Variants in MTSS1 observed in about 807,000 individuals in gnomAD.
MTSS1 encodes the protein MTSS I-BAR domain containing 1, also known as protein MTSS 1.
Under a neutral mutation model 79.0 loss-of-function variants are expected in MTSS1, and 18 were observed. That is an observed-to-expected ratio of 0.23 (90% CI 0.16 to 0.34). The LOEUF is 0.34. Among genes scored for constraint, MTSS1 ranks in the 10% least tolerant of loss-of-function variants. MTSS1 has a pLI of 1.00. For missense variants in MTSS1, 815 were observed against 986.2 expected (o/e 0.83, Z 2.33); for synonymous variants, 341 against 368.6 (o/e 0.93, Z 0.86).
At chr8:124,645,583 C>T (rs1353234153) in intron 3 of MTSS1, among the ~76,000 whole-genome samples, 1 of 152,086 alleles carries the variant, frequency 6.6e-6, no homozygotes, top group African/African-American at 2.4e-5. Context: ...GCTGGGGTAT[C>T]ACAAGCTTAA....
At chr8:124,590,833 G>A (rs914622201) in intron 4 of MTSS1, among the ~76,000 whole-genome samples, 4 of 152,142 alleles carry the variant, frequency 2.6e-5, no homozygotes, top group Admixed American at 1.3e-4. Context: ...CTCTTCTTGC[G>A]AGGCTCCCGC....
chr8:124,699,239 C>A, intron 3 of MTSS1: 1 of 372,436 alleles, frequency 2.7e-6, no homozygotes, highest in Non-Finnish European at 4.9e-6. Context: ...GCTCAAGGTT[C>A]AACAACCAGC....
chr8:124,634,336 G>T (rs1587462943), intron 3 of MTSS1, among the ~76,000 whole-genome samples: 1 of 150,814 alleles, frequency 6.6e-6, no homozygotes, highest in East Asian at 1.9e-4. Flanking sequence ...TTGTAGAAAT[G>T]ACATTTCACC....
intron 3 of MTSS1, among the ~76,000 whole-genome samples, chr8:124,672,391 G>A (rs1291694883): frequency 1.3e-5 from 2 of 151,446 alleles, no homozygotes; most frequent in Admixed American, 6.6e-5. Flanking sequence ...GTACTTGGGA[G>A]GCTGAAGCAG....
chr8:124,719,110 A>C (rs1191719183), intron 1 of MTSS1, among the ~76,000 whole-genome samples: 1 of 152,202 alleles, frequency 6.6e-6, no homozygotes, highest in East Asian at 1.9e-4. Context: ...TCCTGTGGAG[A>C]GGCACACAGA....
intron 3 of MTSS1, among the ~76,000 whole-genome samples, chr8:124,647,488 C>A (rs1297960570): frequency 6.6e-6 from 1 of 152,090 alleles, no homozygotes. Flanking sequence ...ATTTTCAAGT[C>A]TTCTTATTAA....
Position 124,646,135 on chromosome 8 carries a change from C to T in MTSS1, c.208+53391G>A, listed in dbSNP as rs555993060. ...ACGCTGAAACCTCAACTTGTCTAGG[C>T]TCCTTTGGGAAACCAGGAATCAAAT... On this transcript the variant is annotated intron_variant, in intron 3 of 13. Transcript: ENST00000518547. 7.2e-5 allele frequency among the ~76,000 whole-genome samples: 11 copies of T among 152,332 alleles called. No homozygotes were observed. In the South Asian group the frequency reaches 2.3e-3, roughly 32 times the overall value.
chr8:124,690,852 AT>A (rs1213925009), intron 3 of MTSS1, among the ~76,000 whole-genome samples: 13 of 152,186 alleles, frequency 8.5e-5, no homozygotes, highest in Admixed American at 7.2e-4. Flanking sequence ...AAAACAAGGT[AT>A]TTTTTTAAAT....
chr8:124,719,418 C>A (rs964079601), intron 1 of MTSS1, among the ~76,000 whole-genome samples: 1 of 152,162 alleles, frequency 6.6e-6, no homozygotes, highest in Non-Finnish European at 1.5e-5. Flanking sequence ...GTACTCCCAC[C>A]CTAAATGGGA....
chr8:124,687,722 A>G lies in MTSS1; in HGVS notation c.208+11804T>C, dbSNP rs375135193. 9.8e-4 allele frequency among the ~76,000 whole-genome samples: 150 copies of G among 152,352 alleles called. 3 individuals are homozygous for G. The South Asian group carries it at 0.03, about 31-fold the overall frequency. On this transcript the variant is annotated intron_variant, in intron 3 of 13. Transcript: ENST00000518547. ...AAAGAGAAGCCTGTGGATCAGCAGC[A>G]CAGGAAGAAGAATGTTTACTATCGC...
chr8:124,676,492 C>T (rs768912495), intron 3 of MTSS1, among the ~76,000 whole-genome samples: 11 of 152,198 alleles, frequency 7.2e-5, no homozygotes, highest in South Asian at 6.2e-4. Context: ...TGTGGACAGA[C>T]GCAAATGTGA....
At chr8:124,725,984 CA>C (rs10708437) in intron 1 of MTSS1, among the ~76,000 whole-genome samples, 27,558 of 149,018 alleles carry the variant, frequency 0.18, 3,509 homozygotes, top group African/African-American at 0.37. Context: ...ACAAACAAAC[CA>C]AAAAAAAAAA....
In MTSS1 at chr8:124,552,389, G is replaced by A. The variant is rs1473490079; in HGVS notation, c.*603C>T. The A allele has an allele frequency of 1.3e-5, 2 of 153,636 alleles. No homozygotes were observed. The highest frequency in any genetic ancestry group is 3.8e-4 in the East Asian group (2 of 5,202). The allele number at this position is 153,636 out of a possible 1,614,324, so 9.5% of individuals were successfully genotyped here. On this transcript the variant is annotated 3_prime_UTR_variant, in exon 14 of 14. Transcript: ENST00000518547. ...TATGTTGACGATGTACCCCTCCCAT[G>A]GCCCTCCCCCCAATCCCAACACAGT...
intron 6 of MTSS1, among the ~76,000 whole-genome samples, chr8:124,570,845 A>T (rs1408632664): frequency 1.3e-5 from 2 of 151,350 alleles, no homozygotes; most frequent in Non-Finnish European, 2.9e-5. Context: ...TAGTTTTTCA[A>T]TTTTTTTTTA....
intron 1 of MTSS1, among the ~76,000 whole-genome samples, chr8:124,718,194 C>T (rs1440142984): frequency 6.6e-6 from 1 of 151,682 alleles, no homozygotes; most frequent in Admixed American, 6.6e-5. Context: ...CTTCCATTAA[C>T]TTTACGTTAC....
At chr8:124,635,566 GA>G (rs1816824200) in intron 3 of MTSS1, among the ~76,000 whole-genome samples, 1 of 152,214 alleles carries the variant, frequency 6.6e-6, no homozygotes, top group Non-Finnish European at 1.5e-5. Context: ...CCAGAGCACA[GA>G]AGGTCCTTAT....
Position 124,565,724 on chromosome 8 carries a change from C to G in MTSS1, c.762G>C (p.Trp254Cys). Residue 254 changes from tryptophan (W) to cysteine (C), a missense_variant, in exon 9 of 14, where the codon TGG (tryptophan) becomes TGC (cysteine). Trp to Cys is a radical substitution (Grantham distance 215). Around this residue, in one of 2 missense-constraint regions of MTSS1, gnomAD observed 225 missense variants for 365.4 expected, o/e 0.62. Coordinates refer to ENST00000518547, the MANE Select transcript of MTSS1 (RefSeq NM_014751.6). ...ILDLKGSDYS[W>C]SYQTPPSSPS... is the part of the protein sequence containing the mutation. ...GGGAAGAGGGTGGCGTCTGATACGA[C>G]CAGCTGTAATCAGAACCTTTCAAGT... The G allele has an allele frequency of 6.2e-7, 1 of 1,614,044 alleles. No individual in the cohort carries two copies. Among genetic ancestry groups the G allele is most frequent in the Non-Finnish European group, 8.5e-7 (1 of 1,180,010 alleles).
intron 5 of MTSS1, among the ~76,000 whole-genome samples, chr8:124,586,018 A>C (rs1830803422): frequency 3.3e-5 from 5 of 152,094 alleles, no homozygotes; most frequent in Admixed American, 3.3e-4. Flanking sequence ...GGGGCAGTCC[A>C]AGTGCACCAC....
At chr8:124,699,796 G>A (rs748083673) in intron 2 of MTSS1, among the ~76,000 whole-genome samples, 197 bp from the exon 3 acceptor site, 6 of 152,120 alleles carry the variant, frequency 3.9e-5, no homozygotes, top group Admixed American at 1.3e-4. Flanking sequence ...CAGCTCATTC[G>A]GTGCTAATCA....
Sources: gnomAD v4.1 joint callset for allele counts (sites outside exome capture counted in the v4.1 genomes callset) on GRCh38, gnomAD v4.1.1 for gene constraint, gnomAD v4.1.1 regional missense constraint, MANE v1.5 for transcripts, NCBI Gene and HGNC (gene_info 2026-07-23, HGNC 2026-07-21) for gene names.